Variants in VWA8 observed in about 807,000 individuals in gnomAD.
VWA8 encodes the protein von Willebrand factor A domain containing 8, also known as von Willebrand factor A domain-containing protein 8.
In VWA8, 221 loss-of-function variants were observed where a neutral mutation model predicts 241.5. That is an observed-to-expected ratio of 0.91 (90% CI 0.82 to 1.02). The LOEUF (loss-of-function observed/expected upper bound fraction) is 1.02. VWA8 is among the 50% of genes least tolerant of loss of function. VWA8 has a pLI of 0.00. For synonymous variants in VWA8, 852 were observed against 827.1 expected (o/e 1.03, Z -0.52); for missense variants, 2,322 against 2,328.7 (o/e 1.00, Z 0.06).
At chr13:41,598,784 C>T (rs1215878030) in intron 40 of VWA8, among the ~76,000 whole-genome samples, 2 of 151,406 alleles carry the variant, frequency 1.3e-5, no homozygotes, top group African/African-American at 4.9e-5. Flanking sequence ...ATTTTTCTTT[C>T]TCTGACAATA....
rs571149648 is a variant in VWA8, at chr13:41,750,895, A to AAC, written c.2426+10232_2426+10233insGT. ...ACATAAACATATTTGATAAAAAAAA[A>AAC]AAAAAACTCAAGCACAGTACAGTAC... On this transcript the variant is annotated intron_variant, in intron 21 of 44. Transcript: ENST00000379310. Among the ~76,000 whole-genome samples, 32 of 152,212 alleles carry AAC rather than the reference A, an allele frequency of 2.1e-4. No individual in the cohort carries two copies. The East Asian group carries it at 5.8e-3, about 28-fold the overall frequency.
chr13:41,947,931 C>CAAAAAAAAAAAA, intron 2 of VWA8, among the ~76,000 whole-genome samples: 1 of 20,576 alleles, frequency 4.9e-5, no homozygotes, highest in African/African-American at 1.2e-4. Context: ...GACCCTGTCT[C>CAAAAAAAAAAAA]AAAAAAAAAA....
chr13:41,583,696 T>C lies in VWA8; in HGVS notation c.5271+3816A>G, dbSNP rs186758036. Among the ~76,000 whole-genome samples the C allele has an allele frequency of 3.1e-4, 46 of 149,798 alleles. No individual in the cohort carries two copies. The East Asian group carries it at 8.8e-3, about 29-fold the overall frequency. On this transcript the variant is annotated intron_variant, in intron 42 of 44. Transcript: ENST00000379310. The stretch of plus-strand genomic sequence containing the variant: ...AAAAGAATCTATAAGACAACTGGCC[T>C]GGACCCTCATGAGAGGGTCATAAGA...
At chr13:41,872,652 T>C (rs1030493278) in intron 9 of VWA8, among the ~76,000 whole-genome samples, 23 of 152,166 alleles carry the variant, frequency 1.5e-4, no homozygotes, top group African/African-American at 5.6e-4. Flanking sequence ...CTCTGTTCTG[T>C]TCCATTGATC....
chr13:41,570,668 G>T lies in VWA8; in HGVS notation c.5409C>A (p.Asp1803Glu). 1 of 1,614,154 alleles carries T rather than the reference G, an allele frequency of 6.2e-7. No individual in the cohort carries two copies. Among genetic ancestry groups the T allele is most frequent in the South Asian group, 1.1e-5 (1 of 91,080 alleles). The change falls in exon 44 of 45, where the codon GAC (aspartate) becomes GAA (glutamate). Residue 1803 changes from aspartate to glutamate, a missense_variant. By Grantham distance (45) the Asp-to-Glu change is conservative. Coordinates refer to ENST00000379310, the MANE Select transcript of VWA8 (RefSeq NM_015058.2). ...CATGTTCTGTCCCTTCTAACGTGTG[G>T]TCCCCACTCATGCAGAACTGAGAGT... ...HAHSQFCMSG[D>E]HTLEGTEHAI...
intron 40 of VWA8, among the ~76,000 whole-genome samples, chr13:41,602,258 T>C (rs540165234): frequency 2.8e-4 from 43 of 152,212 alleles, no homozygotes; most frequent in African/African-American, 1.0e-3. Flanking sequence ...TGGATAATGA[T>C]GCAAAATGTT....
chr13:41,752,148 A>G (rs1206801365), intron 21 of VWA8, among the ~76,000 whole-genome samples: 1 of 152,144 alleles, frequency 6.6e-6, no homozygotes, highest in African/African-American at 2.4e-5. Flanking sequence ...ATGTTTGCTC[A>G]GCACCAACAG....
Position 41,675,244 on chromosome 13 carries a change from T to C in VWA8, c.4380A>G (p.Ser1460=). The change falls in exon 36 of 45, where the codon TCA becomes TCG. Residue 1460 remains serine, a synonymous_variant. Coordinates refer to ENST00000379310, the MANE Select transcript of VWA8 (RefSeq NM_015058.2). ...SGYIEVTDLQ[S]KKLRYIPIPR... ...GAATAGGGATATATCGGAGTTTCTT[T>C]GATTGAAGATCAGTGACTTCTATAT... 6.2e-7 allele frequency: 1 copy of C among 1,613,276 alleles called. No individual in the cohort carries two copies.
chr13:41,897,892 G>T (rs928141713), intron 4 of VWA8, among the ~76,000 whole-genome samples: 5 of 152,138 alleles, frequency 3.3e-5, no homozygotes, highest in African/African-American at 9.7e-5. Flanking sequence ...TCTGCTAGCT[G>T]GCCCCCACCC....
At position 41,732,994 on chromosome 13, in the gene VWA8, A is replaced by G. The variant is rs1018515199; in HGVS notation, c.2427-839T>C. Among the ~76,000 whole-genome samples the G allele has an allele frequency of 5.3e-5, 8 of 152,248 alleles. No individual in the cohort carries two copies. The East Asian group carries it at 1.5e-3, about 29-fold the overall frequency. ...AGAGAATTAGAACTACTTTAAAAAT[A>G]TAAGTAGCGTCTTTGAAGAGTTCAG... is the stretch of plus-strand genomic sequence containing the variant. On this transcript the variant is annotated intron_variant, in intron 21 of 44. Transcript: ENST00000379310.
intron 37 of VWA8, among the ~76,000 whole-genome samples, chr13:41,627,860 C>T (rs932248799): frequency 3.9e-5 from 6 of 152,136 alleles, no homozygotes; most frequent in African/African-American, 7.2e-5. Flanking sequence ...AAAAGACCAT[C>T]GGTCCCTCTC....
chr13:41,920,551 TAAA>T (rs1292964630), intron 2 of VWA8, among the ~76,000 whole-genome samples: 1 of 150,998 alleles, frequency 6.6e-6, no homozygotes, highest in African/African-American at 2.4e-5. Flanking sequence ...GCAAGACTAA[TAAA>T]GAAGAAAAGA....
At position 41,568,132 on chromosome 13, in the gene VWA8, C is replaced by CAGAA. The variant is rs541342698; in HGVS notation, c.*61_*64dup. 17 of 1,389,950 alleles carry CAGAA rather than the reference C, an allele frequency of 1.2e-5. No individual in the cohort carries two copies. Among genetic ancestry groups the CAGAA allele is most frequent in the Non-Finnish European group, 1.7e-5 (17 of 989,048 alleles). The allele number at this position is 1,389,950 out of a possible 1,614,324, so 86.1% of individuals were successfully genotyped here. A position where few individuals can be genotyped will look rare whatever the true frequency, so the allele number is the denominator to read the frequency against. ...CACTTCATCCATATCTTCTTTTTTT[C>CAGAA]AGAATACTCTTTATTCCTGTCTTAT... On this transcript the variant is annotated 3_prime_UTR_variant, in exon 45 of 45. Transcript: ENST00000379310.
chr13:41,670,383 T>G (rs2045013779), intron 37 of VWA8, among the ~76,000 whole-genome samples: 1 of 151,582 alleles, frequency 6.6e-6, no homozygotes, highest in African/African-American at 2.4e-5. Context: ...TCTTTTCACT[T>G]TGGTGGCCTG....
rs768774373 is a variant in VWA8, at chr13:41,580,021, ATTT to A, written c.5272-4186_5272-4184del. Among the ~76,000 whole-genome samples the A allele has an allele frequency of 3.3e-3, 460 of 139,664 alleles. 1 individual carries two copies. The highest frequency in any genetic ancestry group is 6.0e-3 in the Non-Finnish European group (379 of 63,624). 91.6% of individuals were successfully genotyped at this position (139,664 alleles called of 152,430 possible). A position where few individuals can be genotyped will look rare whatever the true frequency, so the allele number is the denominator to read the frequency against. On this transcript the variant is annotated intron_variant, in intron 42 of 44. Transcript: ENST00000379310. ...GCCGCCACACCTGGCTAATTTTTGT[ATTT>A]TTTTTTTTTTTGTAGAGACAGGGTC...
At chr13:41,912,865 T>C (rs1876077187) in intron 2 of VWA8, among the ~76,000 whole-genome samples, 1 of 152,184 alleles carries the variant, frequency 6.6e-6, no homozygotes, top group African/African-American at 2.4e-5. Flanking sequence ...CAGCATTTTC[T>C]AAAATGTTTA....
At position 41,752,055 on chromosome 13, in the gene VWA8, C is replaced by T. The variant is rs115400876; in HGVS notation, c.2426+9073G>A. ...TTACTGTTAACTTCTCTTTTCCCCC[C>T]ACCCTCCACATAGTTATAAAGGCTA... On this transcript the variant is annotated intron_variant, in intron 21 of 44. Coordinates refer to ENST00000379310, the MANE Select transcript of VWA8 (RefSeq NM_015058.2). 1.6e-3 allele frequency among the ~76,000 whole-genome samples: 249 copies of T among 152,246 alleles called. 1 individual carries two copies. Among genetic ancestry groups the T allele is most frequent in the African/African-American group, 5.6e-3 (232 of 41,548 alleles).
chr13:41,953,146 G>A (rs1878209780), intron 1 of VWA8, among the ~76,000 whole-genome samples: 1 of 152,144 alleles, frequency 6.6e-6, no homozygotes, highest in Non-Finnish European at 1.5e-5. Context: ...GGTAAATAAT[G>A]GAAGAAGTAG....
chr13:41,639,102 T>A (rs2044778204), intron 37 of VWA8, among the ~76,000 whole-genome samples: 1 of 152,066 alleles, frequency 6.6e-6, no homozygotes, highest in Non-Finnish European at 1.5e-5. Context: ...TAGTTTGAGG[T>A]TTGAAGAAAA....
Sources: allele counts gnomAD v4.1 joint callset (sites outside exome capture counted in the v4.1 genomes callset), GRCh38; gene constraint gnomAD v4.1.1; transcripts MANE v1.5; gene names NCBI Gene and HGNC (gene_info 2026-07-23, HGNC 2026-07-21).